Variants in TRIO observed in about 807,000 individuals in gnomAD.
TRIO encodes trio Rho guanine nucleotide exchange factor.
Under a neutral mutation model 351.9 loss-of-function variants are expected in TRIO, and 58 were observed. The observed-to-expected ratio is 0.16, with a 90% CI of 0.13 to 0.21. The LOEUF is 0.21. Ranked by LOEUF, TRIO falls within the 10% of genes least tolerant of loss-of-function variation. TRIO has a pLI of 1.00. For synonymous variants in TRIO, 1,758 were observed against 1,595.7 expected (o/e 1.10, Z -2.42); for missense variants, 3,201 against 4,027.8 (o/e 0.79, Z 5.56).
chr5:14,449,617 A>G (rs1373164475), intron 34 of TRIO, among the ~76,000 whole-genome samples: 2 of 152,200 alleles, frequency 1.3e-5, no homozygotes, highest in Admixed American at 6.5e-5. Flanking sequence ...ACGTGTTTCT[A>G]AAGCATTCCT....
At chr5:14,258,794 G>C (rs534468979) in intron 1 of TRIO, among the ~76,000 whole-genome samples, 1 of 152,340 alleles carries the variant, frequency 6.6e-6, no homozygotes, top group Admixed American at 6.5e-5. Context: ...GGCCCAGGGG[G>C]ATAATGAGTG....
rs143777834 is a variant in TRIO, at chr5:14,337,460, C to T, written c.2046+733C>T. Among the ~76,000 whole-genome samples the T allele has an allele frequency of 4.0e-4, 61 of 152,288 alleles. 1 individual carries two copies. In the East Asian group the frequency reaches 7.0e-3, roughly 17 times the overall value. Reference sequence around the variant, plus strand: ...TCTGTGTAAAAAAGAAAATTCCCTGCGTCACTGAGGACCTTCACAGAGGAT... The same window carrying T: ...TCTGTGTAAAAAAGAAAATTCCCTGTGTCACTGAGGACCTTCACAGAGGAT... On this transcript the variant is annotated intron_variant, in intron 11 of 56. Coordinates refer to ENST00000344204, the MANE Select transcript of TRIO (RefSeq NM_007118.4).
chr5:14,145,766 C>G (rs1293334612), intron 1 of TRIO, among the ~76,000 whole-genome samples: 4 of 152,180 alleles, frequency 2.6e-5, no homozygotes, highest in African/African-American at 9.7e-5. Context: ...ACTTCTGCTG[C>G]TGCTAAGAGC....
chr5:14,506,288 G>T (rs1156590456), intron 55 of TRIO, among the ~76,000 whole-genome samples: 1 of 152,196 alleles, frequency 6.6e-6, no homozygotes, highest in Non-Finnish European at 1.5e-5. Flanking sequence ...CTGTTAATAG[G>T]ATCCGTTTTC....
chr5:14,323,767 G>A (rs554466663), intron 9 of TRIO, among the ~76,000 whole-genome samples: 23 of 152,356 alleles, frequency 1.5e-4, no homozygotes, highest in Non-Finnish European at 2.8e-4. Flanking sequence ...GAAAGTGTGA[G>A]CTAGACTAAC....
At chr5:14,312,916 A>G (rs146617384) in intron 8 of TRIO, among the ~76,000 whole-genome samples, 5 of 152,336 alleles carry the variant, frequency 3.3e-5, no homozygotes, top group African/African-American at 1.2e-4. Flanking sequence ...TTTCCACATA[A>G]TATTACTGTA....
At chr5:14,275,584 T>G (rs1277448084) in intron 2 of TRIO, among the ~76,000 whole-genome samples, 1 of 151,850 alleles carries the variant, frequency 6.6e-6, no homozygotes, top group Non-Finnish European at 1.5e-5. Flanking sequence ...ACTTTTTTTT[T>G]TAAGTTTTTG....
intron 46 of TRIO, among the ~76,000 whole-genome samples, chr5:14,483,105 G>T (rs1374409681): frequency 6.6e-6 from 1 of 152,196 alleles, no homozygotes; most frequent in African/African-American, 2.4e-5. Flanking sequence ...ATTGCTCTAT[G>T]ATCAGAGAAA....
chr5:14,319,821 G>A (rs181670981), intron 9 of TRIO, among the ~76,000 whole-genome samples: 14 of 152,292 alleles, frequency 9.2e-5, no homozygotes, highest in Admixed American at 2.6e-4. Context: ...GGATGACAGA[G>A]GGAGTTTGGT....
At chr5:14,272,186 C>T (rs1450049098) in intron 2 of TRIO, among the ~76,000 whole-genome samples, 2 of 152,162 alleles carry the variant, frequency 1.3e-5, no homozygotes, top group Non-Finnish European at 2.9e-5. Flanking sequence ...AGTTTACAAA[C>T]AGAGTAATTG....
At position 14,321,082 on chromosome 5, in the gene TRIO, G is replaced by A. The variant is rs563785486; in HGVS notation, c.1731+4339G>A. On this transcript the variant is annotated intron_variant, in intron 9 of 56. Transcript: ENST00000344204. The stretch of plus-strand genomic sequence containing the variant: ...CAAACGTCAAGGGTCTAATGCACAA[G>A]GAAAAATGAAAGGTCCTATAGTAGA... Among the ~76,000 whole-genome samples, 11 of 152,298 alleles carry A rather than the reference G, an allele frequency of 7.2e-5. No individual in the cohort carries two copies. In the East Asian group the frequency reaches 1.7e-3, roughly 24 times the overall value.
chr5:14,246,832 C>G (rs1054496102), intron 1 of TRIO, among the ~76,000 whole-genome samples: 2 of 152,314 alleles, frequency 1.3e-5, no homozygotes, highest in South Asian at 4.1e-4. Context: ...TTCGGAGACA[C>G]CCCCCACACC....
chr5:14,207,971 C>T (rs907528809), intron 1 of TRIO, among the ~76,000 whole-genome samples: 4 of 152,142 alleles, frequency 2.6e-5, no homozygotes, highest in African/African-American at 9.7e-5. Flanking sequence ...TGAAATACCA[C>T]TACTCACTTA....
At chr5:14,168,646 G>C (rs1229199335) in intron 1 of TRIO, among the ~76,000 whole-genome samples, 3 of 152,256 alleles carry the variant, frequency 2.0e-5, no homozygotes, top group African/African-American at 7.2e-5. Context: ...TCTGAGTTCC[G>C]CCCTTTTTAG....
intron 34 of TRIO, among the ~76,000 whole-genome samples, chr5:14,456,315 G>T (rs1442990612): frequency 6.6e-6 from 1 of 152,252 alleles, no homozygotes; most frequent in Non-Finnish European, 1.5e-5. Context: ...TCAGAGAGGG[G>T]CTCCCACAGT....
At chr5:14,377,982 C>A in intron 19 of TRIO, 30 bp from the exon 20 acceptor site, 1 of 1,551,882 alleles carries the variant, frequency 6.4e-7, no homozygotes, top group Admixed American at 1.8e-5. Flanking sequence ...TTGCAAGCAC[C>A]AACATACATC....
intron 9 of TRIO, among the ~76,000 whole-genome samples, chr5:14,330,080 G>A (rs1245139987): frequency 1.3e-5 from 2 of 152,230 alleles, no homozygotes; most frequent in African/African-American, 4.8e-5. Context: ...AGCGTTTTGT[G>A]ATTTAAGTAT....
At chr5:14,254,772 T>C (rs972727076) in intron 1 of TRIO, among the ~76,000 whole-genome samples, 1 of 152,242 alleles carries the variant, frequency 6.6e-6, no homozygotes, top group Non-Finnish European at 1.5e-5. Context: ...CGGGAAAATA[T>C]ATTTTTTAAA....
chr5:14,465,508 T>C (rs1450493953), intron 36 of TRIO, 37 bp from the exon 37 acceptor site: 2 of 1,606,216 alleles, frequency 1.2e-6, no homozygotes, highest in Non-Finnish European at 1.7e-6. Context: ...ATGTGAGCCC[T>C]TGCCCCACCC....
Sources: gnomAD v4.1 joint callset for allele counts (sites outside exome capture counted in the v4.1 genomes callset) on GRCh38, gnomAD v4.1.1 for gene constraint, MANE v1.5 for transcripts, NCBI Gene and HGNC (gene_info 2026-07-23, HGNC 2026-07-21) for gene names.